Variants in NDUFV2 observed in about 807,000 individuals in gnomAD.
The protein encoded by NDUFV2 is NADH:ubiquinone oxidoreductase core subunit V2, also known as NADH dehydrogenase [ubiquinone] flavoprotein 2, mitochondrial.
NDUFV2 carries 18 observed loss-of-function variants against 31.6 expected under a neutral mutation model. The observed-to-expected ratio is 0.57, with a 90% CI of 0.39 to 0.84. The LOEUF (loss-of-function observed/expected upper bound fraction) is 0.84, where lower values mean the gene tolerates loss of function less well. Ranked by LOEUF, NDUFV2 falls within the 40% of genes least tolerant of loss-of-function variation. The probability of loss-of-function intolerance (pLI) is 0.00; values close to 1 mark genes in which losing one functional copy is unlikely to be tolerated. For synonymous variants in NDUFV2, 83 were observed against 99.8 expected, an observed-to-expected ratio of 0.83 and a Z score of 1.01; for missense variants, 314 against 303.6, an observed-to-expected ratio of 1.03 and a Z score of -0.26.
chr18:9,113,770 T>C, intron 1 of NDUFV2, among the ~76,000 whole-genome samples: 1 of 152,316 alleles, frequency 6.6e-6, no homozygotes, highest in East Asian at 1.9e-4. Flanking sequence ...CCCTGCTTGC[T>C]CAATCGATCA....
chr18:9,117,990 C>A, intron 2 of NDUFV2, 87 bp downstream of exon 2: 1 of 886,368 alleles, frequency 1.1e-6, no homozygotes, highest in Non-Finnish European at 1.9e-6. Flanking sequence ...TCTTAAATAC[C>A]ATTGTCTTTG....
At chr18:9,119,428 G>A (rs758211188) in intron 3 of NDUFV2, 40 bp downstream of exon 3, 23 of 1,602,426 alleles carry the variant, frequency 1.4e-5, no homozygotes, top group Non-Finnish European at 1.9e-5. Flanking sequence ...TACCAAATAG[G>A]TAATATTTTC....
chr18:9,106,967 T>A (rs2077844932), intron 1 of NDUFV2, among the ~76,000 whole-genome samples: 1 of 152,162 alleles, frequency 6.6e-6, no homozygotes, highest in Admixed American at 6.5e-5. Context: ...CTGTGATTGA[T>A]GACATTGGGC....
chr18:9,115,310 A>G (rs1204583852), intron 1 of NDUFV2, among the ~76,000 whole-genome samples: 1 of 151,926 alleles, frequency 6.6e-6, no homozygotes, highest in East Asian at 1.9e-4. Flanking sequence ...TAATTTATGC[A>G]TTTTTGTTTT....
intron 1 of NDUFV2, chr18:9,103,943 C>T (rs1043552902): frequency 2.2e-5 from 11 of 490,174 alleles, no homozygotes; most frequent in East Asian, 1.3e-4. Context: ...TTACTTTTTC[C>T]TCATATTACA....
At chr18:9,132,358 A>G (rs2078047463) in intron 7 of NDUFV2, 1 of 152,208 alleles carries the variant, frequency 6.6e-6, no homozygotes, top group Admixed American at 6.5e-5. Context: ...CAAACTGGTA[A>G]GAGGCTTTAA....
intron 1 of NDUFV2, among the ~76,000 whole-genome samples, chr18:9,113,900 C>A (rs1239329239): frequency 6.6e-6 from 1 of 152,166 alleles, no homozygotes; most frequent in Non-Finnish European, 1.5e-5. Context: ...CTGAATAAAG[C>A]CCTTCCTTCT....
intron 6 of NDUFV2, 120 bp downstream of exon 6, chr18:9,125,103 A>T: frequency 9.3e-7 from 1 of 1,073,820 alleles, no homozygotes; most frequent in South Asian, 1.7e-5. Context: ...AGAAATGGTT[A>T]CCATAAATAT....
intron 1 of NDUFV2, chr18:9,103,527 G>A (rs1219930926): frequency 1.2e-5 from 2 of 171,390 alleles, no homozygotes; most frequent in African/African-American, 4.7e-5. Context: ...ATAACAACAG[G>A]GCCTGTTACA....
At chr18:9,124,321 C>T (rs1177779871) in intron 5 of NDUFV2, among the ~76,000 whole-genome samples, 1 of 151,526 alleles carries the variant, frequency 6.6e-6, no homozygotes, top group Non-Finnish European at 1.5e-5. Context: ...CTGTGTCTCC[C>T]TATGTTGCCC....
At chr18:9,120,404 T>C (rs112547353) in intron 4 of NDUFV2, among the ~76,000 whole-genome samples, 6 of 152,328 alleles carry the variant, frequency 3.9e-5, no homozygotes, top group African/African-American at 1.4e-4. Context: ...CTTCTAATTA[T>C]TAAGTTATGA....
chr18:9,119,750 T>G (rs1356697941), intron 4 of NDUFV2, among the ~76,000 whole-genome samples, 160 bp downstream of exon 4: 2 of 152,212 alleles, frequency 1.3e-5, no homozygotes, highest in African/African-American at 4.8e-5. Context: ...GTGTTTTTGT[T>G]CATTCCCTTA....
chr18:9,132,481 G>A (rs1441055345), intron 7 of NDUFV2: 1 of 152,194 alleles, frequency 6.6e-6, no homozygotes, highest in Admixed American at 6.5e-5. Flanking sequence ...AGGTAGCTGA[G>A]CTTAAACCGT....
chr18:9,121,690 T>C (rs1212395551), intron 4 of NDUFV2, among the ~76,000 whole-genome samples: 2 of 152,172 alleles, frequency 1.3e-5, no homozygotes, highest in African/African-American at 4.8e-5. Context: ...GAATTATAAA[T>C]CACGATAGAC....
At chr18:9,116,276 A>G (rs1471556231) in intron 1 of NDUFV2, among the ~76,000 whole-genome samples, 1 of 152,246 alleles carries the variant, frequency 6.6e-6, no homozygotes, top group African/African-American at 2.4e-5. Context: ...CAAGGAGTGG[A>G]TAAAAAGCCA....
In NDUFV2 at chr18:9,134,178, C is replaced by A. The variant is rs376984569; in HGVS notation, c.657-8C>A. 31 of 1,607,778 alleles carry A rather than the reference C, an allele frequency of 1.9e-5. No individual in the cohort carries two copies. The South Asian group carries it at 3.2e-4, about 17-fold the overall frequency. Reference sequence around the variant, plus strand: ...TCATTAATAGTTTAATATTACTTTTCATTTCAGGAGTGGACGCTTCTCTTG... The same window carrying A: ...TCATTAATAGTTTAATATTACTTTTAATTTCAGGAGTGGACGCTTCTCTTG... On this transcript the variant is annotated splice_polypyrimidine_tract_variant and splice_region_variant and intron_variant, in intron 7 of 7. Coordinates refer to ENST00000318388, the MANE Select transcript of NDUFV2 (RefSeq NM_021074.5).
At chr18:9,123,673 A>G (rs993124907) in intron 5 of NDUFV2, among the ~76,000 whole-genome samples, 1 of 152,064 alleles carries the variant, frequency 6.6e-6, no homozygotes, top group African/African-American at 2.4e-5. Flanking sequence ...TTGTTTTTGT[A>G]GAGAGGGGTC....
intron 1 of NDUFV2, 143 bp downstream of exon 1, chr18:9,102,940 A>G: frequency 1.3e-6 from 1 of 786,042 alleles, no homozygotes; most frequent in South Asian, 2.1e-5. Flanking sequence ...TAGCCCTCTT[A>G]GGGAGGCCGC....
rs748188888 is a variant in NDUFV2, at chr18:9,102,705, G to C, written c.-39G>C. On this transcript the variant is annotated 5_prime_UTR_variant, in exon 1 of 8. Transcript: ENST00000318388. ...CGCCCTGGGCGCGCTCGGGATTCTCGCCTGGCGCGGCTGGGGAAGGTGAAC... is the reference window on the plus strand; with the variant it reads ...CGCCCTGGGCGCGCTCGGGATTCTCCCCTGGCGCGGCTGGGGAAGGTGAAC... The C allele has an allele frequency of 1.3e-5, 20 of 1,566,180 alleles. No homozygotes were observed. The highest frequency in any genetic ancestry group is 3.7e-5 in the Admixed American group (2 of 53,392).
Sources: allele counts gnomAD v4.1 joint callset (sites outside exome capture counted in the v4.1 genomes callset), GRCh38; gene constraint gnomAD v4.1.1; transcripts MANE v1.5; gene names NCBI Gene and HGNC (gene_info 2026-07-23, HGNC 2026-07-21).